Variants in KDM4C observed in about 807,000 individuals in gnomAD.
KDM4C encodes the protein lysine demethylase 4C.
In KDM4C, 81 loss-of-function variants were observed where a neutral mutation model predicts 129.3. The ratio of observed to expected loss-of-function variants is 0.63; its 90% CI spans 0.52 to 0.75. The LOEUF is 0.75. KDM4C is among the 30% of genes least tolerant of loss of function. The pLI is 0.00. For missense variants in KDM4C, 1,457 were observed against 1,304.0 expected (o/e 1.12, Z -1.81); for synonymous variants, 573 against 456.1 (o/e 1.26, Z -3.26).
Position 6,758,037 on chromosome 9 carries a change from C to T in KDM4C, c.-184C>T. ...CCACCCCCTCGACGGGAGGGTGAGG[C>T]GCGGCGCAGTGATCGGGCGGCCGGG... is the stretch of plus-strand genomic sequence containing the variant. On this transcript the variant is annotated 5_prime_UTR_variant, in exon 1 of 22. Transcript: ENST00000381309. The surrounding 1 kb of genome is among the most constrained non-coding windows in gnomAD (Gnocchi z 4.6). 2.0e-6 allele frequency: 2 copies of T among 985,444 alleles called. No individual in the cohort carries two copies. The highest frequency in any genetic ancestry group is 2.4e-6 in the Non-Finnish European group (2 of 829,944). 61.0% of individuals were successfully genotyped at this position (985,444 alleles called of 1,614,324 possible).
chr9:7,038,974 T>A (rs1828108833), intron 15 of KDM4C, among the ~76,000 whole-genome samples: 1 of 152,012 alleles, frequency 6.6e-6, no homozygotes, highest in African/African-American at 2.4e-5. Context: ...TTGATATATG[T>A]ATTGGGAGTA....
intron 12 of KDM4C, among the ~76,000 whole-genome samples, chr9:6,994,896 A>G (rs942098936): frequency 6.6e-6 from 1 of 152,180 alleles, no homozygotes; most frequent in Non-Finnish European, 1.5e-5. Flanking sequence ...AATTACCTCA[A>G]AGTTAAAATG....
chr9:7,011,953 A>G (rs1003903605), intron 13 of KDM4C, 74 bp downstream of exon 13: 5 of 1,291,144 alleles, frequency 3.9e-6, no homozygotes, highest in South Asian at 1.3e-5. Context: ...AGATCACTGT[A>G]AATTGTTGTG....
At chr9:6,976,119 G>C (rs1036006043) in intron 8 of KDM4C, among the ~76,000 whole-genome samples, 3 of 152,124 alleles carry the variant, frequency 2.0e-5, no homozygotes, top group Non-Finnish European at 4.4e-5. Flanking sequence ...AACTTGCACA[G>C]ATCTATGTGA....
chr9:7,162,156 T>G (rs1412287389), intron 19 of KDM4C, among the ~76,000 whole-genome samples: 1 of 152,202 alleles, frequency 6.6e-6, no homozygotes, highest in Non-Finnish European at 1.5e-5. Flanking sequence ...CCCCTGGTTT[T>G]GGAGGTGGGG....
At chr9:6,923,864 C>G (rs1305194486) in intron 8 of KDM4C, among the ~76,000 whole-genome samples, 2 of 152,140 alleles carry the variant, frequency 1.3e-5, no homozygotes, top group Non-Finnish European at 2.9e-5. Context: ...GTCTTCAGCA[C>G]ATTGGATTTC....
intron 1 of KDM4C, among the ~76,000 whole-genome samples, chr9:6,768,320 G>A (rs951101470): frequency 1.3e-5 from 2 of 151,672 alleles, no homozygotes; most frequent in South Asian, 2.1e-4. Context: ...CCCAGCTGAT[G>A]GGTAGTGCTG....
intron 15 of KDM4C, among the ~76,000 whole-genome samples, chr9:7,020,312 T>C (rs1452243086): frequency 1.3e-5 from 2 of 152,224 alleles, no homozygotes; most frequent in East Asian, 1.9e-4. Flanking sequence ...ATACAGTTTA[T>C]ATATTTCATA....
chr9:7,056,222 A>G (rs1203029470), intron 17 of KDM4C, among the ~76,000 whole-genome samples: 4 of 152,210 alleles, frequency 2.6e-5, no homozygotes, highest in Non-Finnish European at 5.9e-5. Flanking sequence ...CGGTTGTGGT[A>G]TGGTATGTGG....
In KDM4C at chr9:6,803,510, C is replaced by T. The variant is rs901442241; in HGVS notation, c.145-2089C>T. On this transcript the variant is annotated intron_variant, in intron 2 of 21. Transcript: ENST00000381309. Reference sequence around the variant, plus strand: ...GCTTGACCCCGGGAGGTGGAGGTTGCGGTGAGCCGAGATTGGGCCATTGGA... The same window carrying T: ...GCTTGACCCCGGGAGGTGGAGGTTGTGGTGAGCCGAGATTGGGCCATTGGA... Among the ~76,000 whole-genome samples the T allele has an allele frequency of 2.1e-4, 32 of 149,324 alleles. 1 individual carries two copies. Among genetic ancestry groups the T allele is most frequent in the Non-Finnish European group, 3.0e-5 (2 of 67,650 alleles).
intron 8 of KDM4C, among the ~76,000 whole-genome samples, chr9:6,940,014 C>CTTCCTTCCTTCT (rs1825615133): frequency 7.6e-6 from 1 of 131,934 alleles, no homozygotes; most frequent in East Asian, 2.1e-4. Context: ...TCCTTCCTTC[C>CTTCCTTCCTTCT]TTCCTTCCTT....
chr9:6,942,934 C>T (rs1173905944), intron 8 of KDM4C, among the ~76,000 whole-genome samples: 3 of 152,154 alleles, frequency 2.0e-5, no homozygotes, highest in South Asian at 4.1e-4. Context: ...GGCATGATCA[C>T]GGCCCCTTGT....
intron 15 of KDM4C, among the ~76,000 whole-genome samples, chr9:7,027,644 T>G (rs1424033366): frequency 6.6e-6 from 1 of 152,196 alleles, no homozygotes; most frequent in Non-Finnish European, 1.5e-5. Flanking sequence ...CAGCAGATGG[T>G]GAAGCTAGCT....
At chr9:6,845,200 G>A (rs2129975339) in intron 4 of KDM4C, among the ~76,000 whole-genome samples, 1 of 152,248 alleles carries the variant, frequency 6.6e-6, no homozygotes, top group Non-Finnish European at 1.5e-5. Flanking sequence ...AGACATTGAA[G>A]ATTTAGGAAT....
At chr9:6,740,862 C>T (rs1230573226) in intron 1 of KDM4C, among the ~76,000 whole-genome samples, 1 of 151,736 alleles carries the variant, frequency 6.6e-6, no homozygotes, top group Non-Finnish European at 1.5e-5. Context: ...GAGTCTCACT[C>T]TGTTGTCCAA....
At chr9:7,004,469 T>G (rs1821291647) in intron 12 of KDM4C, among the ~76,000 whole-genome samples, 1 of 152,096 alleles carries the variant, frequency 6.6e-6, no homozygotes, top group Non-Finnish European at 1.5e-5. Context: ...GTGCTCCCAT[T>G]TTTTATTGAT....
chr9:6,962,756 A>T (rs1032955309), intron 8 of KDM4C, among the ~76,000 whole-genome samples: 1 of 152,176 alleles, frequency 6.6e-6, no homozygotes, highest in African/African-American at 2.4e-5. Flanking sequence ...TATAATACTT[A>T]AATGCATTTA....
intron 1 of KDM4C, among the ~76,000 whole-genome samples, chr9:6,739,980 C>T (rs1460575688): frequency 2.6e-5 from 4 of 152,010 alleles, no homozygotes; most frequent in Non-Finnish European, 4.4e-5. Flanking sequence ...ACTTCTGCCT[C>T]GTGGGTTCAA....
chr9:6,878,802 C>A (rs1383119076), intron 5 of KDM4C, among the ~76,000 whole-genome samples: 1 of 137,552 alleles, frequency 7.3e-6, no homozygotes, highest in Non-Finnish European at 1.6e-5. Context: ...TACCCCCACA[C>A]CCACACCCAC....
Sources: allele counts gnomAD v4.1 joint callset (sites outside exome capture counted in the v4.1 genomes callset), GRCh38; gene constraint gnomAD v4.1.1; non-coding constraint Gnocchi (gnomAD v3.1); transcripts MANE v1.5; gene names NCBI Gene and HGNC (gene_info 2026-07-23, HGNC 2026-07-21).